KAT6B: variants seen among roughly 807,000 people sequenced by gnomAD.
KAT6B encodes lysine acetyltransferase 6B, also known as histone acetyltransferase KAT6B.
Under a neutral mutation model 187.5 loss-of-function variants are expected in KAT6B, and 10 were observed. The observed-to-expected ratio is 0.05, with a 90% CI of 0.03 to 0.09. KAT6B has a LOEUF of 0.09. Ranked by LOEUF, KAT6B falls within the 10% of genes least tolerant of loss-of-function variation. The probability of loss-of-function intolerance (pLI) is 1.00; values close to 1 mark genes in which losing one functional copy is unlikely to be tolerated. For missense variants in KAT6B, 1,952 were observed against 2,558.9 expected (o/e 0.76, Z 5.12); for synonymous variants, 861 against 926.8 (o/e 0.93, Z 1.29).
chr10:74,854,306 G>A (rs1842678481), intron 3 of KAT6B, among the ~76,000 whole-genome samples: 1 of 152,220 alleles, frequency 6.6e-6, no homozygotes, highest in South Asian at 2.1e-4. Context: ...AAGAGAAGGA[G>A]TTGTGGCAGT....
chr10:74,936,405 A>T (rs1041798686), intron 3 of KAT6B, among the ~76,000 whole-genome samples: 60 of 151,102 alleles, frequency 4.0e-4, no homozygotes, highest in Non-Finnish European at 6.5e-4. Context: ...TCCATCTCAA[A>T]AAAAAAAAAA....
In KAT6B at chr10:74,842,637, T is replaced by G; in HGVS notation, c.-221T>G. On this transcript the variant is annotated 5_prime_UTR_variant, in exon 3 of 18. The change abolishes an upstream ATG in the 5' untranslated region. Transcript: ENST00000287239. The stretch of plus-strand genomic sequence containing the variant: ...CAGTTAAAGATGTTCTTCACCCGAA[T>G]GCAGTCTTTCCTGTTGGTAAAATAA... 1.6e-6 allele frequency: 1 copy of G among 611,648 alleles called. No homozygotes were observed. Among genetic ancestry groups the G allele is most frequent in the Non-Finnish European group, 2.9e-6 (1 of 346,210 alleles). The allele number at this position is 611,648 out of a possible 1,614,324, so 37.9% of individuals were successfully genotyped here. A position where few individuals can be genotyped will look rare whatever the true frequency, so the allele number is the denominator to read the frequency against.
intron 3 of KAT6B, among the ~76,000 whole-genome samples, chr10:74,853,223 T>G (rs1842597967): frequency 6.7e-6 from 1 of 150,308 alleles, no homozygotes; most frequent in East Asian, 2.0e-4. Flanking sequence ...CAAGTGATCC[T>G]TGATCCTCCC....
intron 3 of KAT6B, among the ~76,000 whole-genome samples, chr10:74,868,282 C>A (rs910741959): frequency 6.6e-6 from 1 of 152,146 alleles, no homozygotes; most frequent in African/African-American, 2.4e-5. Context: ...CTTGCCCAGG[C>A]TCGTCTTGAA....
At chr10:74,961,831 C>T (rs1458320605) in intron 4 of KAT6B, among the ~76,000 whole-genome samples, 1 of 152,120 alleles carries the variant, frequency 6.6e-6, no homozygotes, top group Non-Finnish European at 1.5e-5. Flanking sequence ...TTTCTCTGTT[C>T]AAAAATATCC....
chr10:74,930,435 T>C (rs1848792680), intron 3 of KAT6B, among the ~76,000 whole-genome samples: 2 of 152,246 alleles, frequency 1.3e-5, no homozygotes, highest in African/African-American at 4.8e-5. Context: ...AACTTACCTG[T>C]GATTTTGACT....
chr10:74,999,638 A>G (rs896348942), intron 13 of KAT6B, among the ~76,000 whole-genome samples: 5 of 152,210 alleles, frequency 3.3e-5, no homozygotes, highest in African/African-American at 1.2e-4. Flanking sequence ...TGCCACTTCT[A>G]GAGCCCTTGC....
At position 74,842,668 on chromosome 10, in the gene KAT6B, C is replaced by T; in HGVS notation, c.-190C>T. 1.5e-6 allele frequency: 1 copy of T among 651,020 alleles called. No homozygotes were observed. The highest frequency in any genetic ancestry group is 1.8e-5 in the South Asian group (1 of 54,376). 40.3% of individuals were successfully genotyped at this position (651,020 alleles called of 1,614,324 possible). A position where few individuals can be genotyped will look rare whatever the true frequency, so the allele number is the denominator to read the frequency against. On this transcript the variant is annotated 5_prime_UTR_variant, in exon 3 of 18. Coordinates refer to ENST00000287239, the MANE Select transcript of KAT6B (RefSeq NM_012330.4). ...CTTTCCTGTTGGTAAAATAAGACAA[C>T]CATCAACATTGCCTGTTTGTCTGCT...
At chr10:74,976,388 C>G (rs1025392922) in intron 8 of KAT6B, 58 bp downstream of exon 8, 90 of 1,435,974 alleles carry the variant, frequency 6.3e-5, no homozygotes, top group Non-Finnish European at 8.6e-5. Flanking sequence ...CTCCCCAACC[C>G]TGAAAAAAAT....
At position 75,022,123 on chromosome 10, in the gene KAT6B, A is replaced by G. The variant is rs551589427; in HGVS notation, c.3264A>G (p.Glu1088=). The change falls in exon 16 of 18, where the codon GAA becomes GAG. Residue 1088 remains glutamate (E), a synonymous_variant. Coordinates refer to ENST00000287239, the MANE Select transcript of KAT6B (RefSeq NM_012330.4). ...AGGAAGAAGAGGAGGAAGAAGAGGA[A>G]GAGGATGAAGAGGAGGAAGAAGAGG... ...EEEEEEEEEE[E]EDEEEEEEEE... The G allele has an allele frequency of 9.2e-5, 148 of 1,606,078 alleles. 1 individual carries two copies. In the Middle Eastern group the frequency reaches 1.8e-3, roughly 20 times the overall value.
intron 3 of KAT6B, among the ~76,000 whole-genome samples, chr10:74,919,019 A>G (rs1325369267): frequency 2.6e-5 from 4 of 151,952 alleles, no homozygotes; most frequent in African/African-American, 9.7e-5. Context: ...GGAGTTCAAG[A>G]CCAGCCTGGA....
At chr10:74,859,738 C>T (rs896231828) in intron 3 of KAT6B, among the ~76,000 whole-genome samples, 1 of 152,146 alleles carries the variant, frequency 6.6e-6, no homozygotes, top group African/African-American at 2.4e-5. Context: ...CTCTATAAAC[C>T]TTCTAACTTA....
At chr10:74,996,245 C>G (rs752956787) in intron 13 of KAT6B, among the ~76,000 whole-genome samples, 1 of 152,212 alleles carries the variant, frequency 6.6e-6, no homozygotes, top group Non-Finnish European at 1.5e-5. Flanking sequence ...ATAGCTCTTG[C>G]TGGGCTGTCA....
intron 3 of KAT6B, among the ~76,000 whole-genome samples, chr10:74,864,581 G>T (rs1843424196): frequency 6.6e-6 from 1 of 151,734 alleles, no homozygotes; most frequent in African/African-American, 2.4e-5. Flanking sequence ...TTTCTCTGTT[G>T]CCCAGGCTGG....
chr10:74,869,079 T>C (rs1171290535), intron 3 of KAT6B, among the ~76,000 whole-genome samples: 2 of 152,218 alleles, frequency 1.3e-5, no homozygotes, highest in Non-Finnish European at 2.9e-5. Flanking sequence ...GTCTTATTAA[T>C]GGTAAAAATA....
rs770325540 is a variant in KAT6B, at chr10:74,975,605, C to G, written c.1268C>G (p.Ser423Cys). 267 of 1,614,050 alleles carry G rather than the reference C, an allele frequency of 1.7e-4. No individual in the cohort carries two copies. The highest frequency in any genetic ancestry group is 2.1e-4 in the Non-Finnish European group (243 of 1,180,054). ...ITTTSTYISA[S>C]TLKVNKKTKG... ...ACCACCTCCACCTACATTTCTGCCT[C>G]TACACTTAAAGTTAACAAGAAAACC... The change falls in exon 8 of 18, where the codon TCT becomes TGT. Residue 423 changes from serine (S) to cysteine (C), a missense_variant. Ser to Cys is a moderately radical substitution (Grantham distance 112). This residue lies in a region of KAT6B where 417 missense variants were observed against 508.9 expected (regional missense o/e 0.82). Coordinates refer to ENST00000287239, the MANE Select transcript of KAT6B (RefSeq NM_012330.4).
At chr10:74,890,620 G>A (rs1225232586) in intron 3 of KAT6B, among the ~76,000 whole-genome samples, 1 of 152,296 alleles carries the variant, frequency 6.6e-6, no homozygotes, top group South Asian at 2.1e-4. Context: ...CGGAGTACAC[G>A]TCTATTAAAG....
At chr10:74,993,872 C>T (rs1251291851) in intron 13 of KAT6B, among the ~76,000 whole-genome samples, 1 of 152,144 alleles carries the variant, frequency 6.6e-6, no homozygotes, top group African/African-American at 2.4e-5. Flanking sequence ...ACCGTATGTC[C>T]TTCCCAGTGC....
intron 3 of KAT6B, among the ~76,000 whole-genome samples, chr10:74,864,151 C>T (rs753124399): frequency 1.3e-5 from 2 of 151,616 alleles, no homozygotes; most frequent in Non-Finnish European, 2.9e-5. Context: ...CCACTGCAAC[C>T]TCCACCTCCT....
Sources: allele counts gnomAD v4.1 joint callset (sites outside exome capture counted in the v4.1 genomes callset), GRCh38; gene constraint gnomAD v4.1.1; regional missense constraint gnomAD v4.1.1; transcripts MANE v1.5; gene names NCBI Gene and HGNC (gene_info 2026-07-23, HGNC 2026-07-21).